The following ANO3 variants were observed in gnomAD, a reference collection of about 807,000 sequenced individuals.
ANO3 encodes anoctamin-3.
ANO3 carries 99 observed loss-of-function variants against 144.8 expected under a neutral mutation model. That is an observed-to-expected ratio of 0.68 (90% confidence interval 0.58 to 0.81). The LOEUF (loss-of-function observed/expected upper bound fraction) is 0.81, where lower values mean the gene tolerates loss of function less well. Among genes scored for constraint, ANO3 ranks in the 30% least tolerant of loss-of-function variants. ANO3 has a pLI of 0.00. For missense variants in ANO3, 905 were observed against 1,202.2 expected (o/e 0.75, Z 3.66); for synonymous variants, 414 against 392.6 (o/e 1.05, Z -0.64).
At chr11:26,254,349 C>CA (rs1412856878) in intron 1 of ANO3, among the ~76,000 whole-genome samples, 5 of 151,876 alleles carry the variant, frequency 3.3e-5, no homozygotes, top group Non-Finnish European at 5.9e-5. Context: ...AATGAAGATA[C>CA]AAAAAAATAA....
intron 17 of ANO3, among the ~76,000 whole-genome samples, chr11:26,619,729 A>C (rs2132993344): frequency 6.6e-6 from 1 of 152,294 alleles, no homozygotes; most frequent in East Asian, 1.9e-4. Flanking sequence ...GGCCTCCCAA[A>C]GTGCTGGGAT....
rs995122307 is a variant in ANO3, at chr11:26,647,566, A to T, written c.2429-143A>T. The T allele has an allele frequency of 4.7e-5, 31 of 656,800 alleles. No homozygotes were observed. In the African/African-American group the frequency reaches 5.5e-4, roughly 12 times the overall value. 40.7% of individuals were successfully genotyped at this position (656,800 alleles called of 1,614,324 possible). A position where few individuals can be genotyped will look rare whatever the true frequency, so the allele number is the denominator to read the frequency against. On this transcript the variant is annotated intron_variant, in intron 23 of 26. Transcript: ENST00000256737. Reference sequence around the variant, plus strand: ...TGTATTCGATAGCTATAATGTCTGTATTGAGATAGTATAATAAGAAAGCAC... The same window carrying T: ...TGTATTCGATAGCTATAATGTCTGTTTTGAGATAGTATAATAAGAAAGCAC...
intron 14 of ANO3, among the ~76,000 whole-genome samples, chr11:26,570,301 G>A (rs1850769928): frequency 6.6e-6 from 1 of 152,114 alleles, no homozygotes; most frequent in East Asian, 1.9e-4. Flanking sequence ...TGCAGAAAGT[G>A]ATGAGAAAAA....
intron 1 of ANO3, among the ~76,000 whole-genome samples, chr11:26,197,283 G>A (rs188861250): frequency 3.3e-5 from 5 of 152,244 alleles, no homozygotes; most frequent in East Asian, 3.9e-4. Context: ...AGGAAGGTTC[G>A]CAATAGAAAA....
chr11:26,575,642 T>C (rs1850966624), intron 14 of ANO3, among the ~76,000 whole-genome samples: 1 of 152,116 alleles, frequency 6.6e-6, no homozygotes, highest in Non-Finnish European at 1.5e-5. Context: ...TGGAAAGAAA[T>C]TTTGTACAAG....
intron 4 of ANO3, among the ~76,000 whole-genome samples, chr11:26,480,013 A>G (rs1243689041): frequency 6.6e-6 from 1 of 152,160 alleles, no homozygotes; most frequent in Non-Finnish European, 1.5e-5. Flanking sequence ...GCAAAGATAT[A>G]GAGTTTGGAC....
chr11:26,635,026 C>G lies in ANO3; in HGVS notation c.1999C>G (p.Pro667Ala). The change falls in exon 20 of 27, where the codon CCA (proline) becomes GCA (alanine). Residue 667 changes from proline (P) to alanine (A), a missense_variant. Pro to Ala is a conservative substitution (Grantham distance 27, BLOSUM62 -1). This residue lies in a region of ANO3 where 597 missense variants were observed against 865.1 expected (regional missense o/e 0.69). Transcript: ENST00000256737. The part of the protein sequence containing the change: ...AFFLGRFVGH[P>A]GKYNKLFDRW... ...GTCTTCTTACAGATTCGTAGGCCAC[C>G]CAGGAAAATACAATAAACTTTTTGA... 1 of 1,613,212 alleles carries G rather than the reference C, an allele frequency of 6.2e-7. No homozygotes were observed. Among genetic ancestry groups the G allele is most frequent in the Non-Finnish European group, 8.5e-7 (1 of 1,179,382 alleles).
chr11:26,191,299 T>C (rs553273271), intron 1 of ANO3, among the ~76,000 whole-genome samples: 1 of 151,092 alleles, frequency 6.6e-6, no homozygotes, highest in Admixed American at 6.6e-5. Flanking sequence ...AAAACACATA[T>C]ATATATACAC....
intron 17 of ANO3, among the ~76,000 whole-genome samples, chr11:26,614,638 G>A (rs914859708): frequency 6.6e-6 from 1 of 152,122 alleles, no homozygotes; most frequent in South Asian, 2.1e-4. Flanking sequence ...GAGGCCTGTG[G>A]GGATTAGGGG....
chr11:26,560,750 AGTTAT>A, intron 14 of ANO3: 1 of 196,694 alleles, frequency 5.1e-6, no homozygotes, highest in Non-Finnish European at 1.0e-5. Flanking sequence ...TTTATTATTT[AGTTAT>A]GAGGCAGGGC....
At chr11:26,528,982 G>A (rs1481570827) in intron 7 of ANO3, among the ~76,000 whole-genome samples, 3 of 145,478 alleles carry the variant, frequency 2.1e-5, no homozygotes, top group African/African-American at 7.7e-5. Flanking sequence ...AAAATGATTT[G>A]ATAAGTAAGT....
chr11:26,385,677 T>C (rs1017503815), intron 1 of ANO3, among the ~76,000 whole-genome samples: 3 of 151,930 alleles, frequency 2.0e-5, no homozygotes, highest in Non-Finnish European at 4.4e-5. Flanking sequence ...CCTATCGGGG[T>C]AATCCATATT....
At chr11:26,391,094 A>C (rs1039279370) in intron 1 of ANO3, among the ~76,000 whole-genome samples, 8 of 152,224 alleles carry the variant, frequency 5.3e-5, no homozygotes, top group South Asian at 4.1e-4. Context: ...AATACTTGAG[A>C]CTGGGACATT....
intron 1 of ANO3, among the ~76,000 whole-genome samples, chr11:26,275,982 T>C (rs1853550172): frequency 6.6e-6 from 1 of 152,176 alleles, no homozygotes; most frequent in African/African-American, 2.4e-5. Context: ...TCATCTTCAC[T>C]GGTTTGGGGA....
At chr11:26,239,847 T>C (rs956036458) in intron 1 of ANO3, among the ~76,000 whole-genome samples, 1 of 152,216 alleles carries the variant, frequency 6.6e-6, no homozygotes, top group Non-Finnish European at 1.5e-5. Context: ...TTCTCCATAA[T>C]TGAAGATTTT....
intron 1 of ANO3, among the ~76,000 whole-genome samples, chr11:26,407,236 C>T (rs1857312806): frequency 6.6e-6 from 1 of 151,340 alleles, no homozygotes; most frequent in South Asian, 2.1e-4. Flanking sequence ...ACTTGTTTAT[C>T]TCTGTGCCTT....
chr11:26,488,887 A>T lies in ANO3; in HGVS notation c.433-19217A>T, dbSNP rs560363398. On this transcript the variant is annotated intron_variant, in intron 4 of 26. Coordinates refer to ENST00000256737, the MANE Select transcript of ANO3 (RefSeq NM_031418.4). ...TATTCCCTTATTTGGCCCTGCCCAC[A>T]TCCTGATTGGTCCATTTTACAGAGT... is the stretch of plus-strand genomic sequence containing the variant. 2.6e-5 allele frequency among the ~76,000 whole-genome samples: 4 copies of T among 152,238 alleles called. No homozygotes were observed. The South Asian group carries it at 8.3e-4, about 32-fold the overall frequency.
At chr11:26,623,760 A>T (rs1467822258) in intron 17 of ANO3, among the ~76,000 whole-genome samples, 1 of 151,656 alleles carries the variant, frequency 6.6e-6, no homozygotes, top group Non-Finnish European at 1.5e-5. Flanking sequence ...CAATTTTTTT[A>T]ATTTTTAATT....
At chr11:26,536,762 A>G (rs547777852) in intron 9 of ANO3, among the ~76,000 whole-genome samples, 2 of 152,268 alleles carry the variant, frequency 1.3e-5, no homozygotes, top group Admixed American at 6.5e-5. Context: ...ATTGTGCTAT[A>G]AAAATTAAAT....
Sources: allele counts gnomAD v4.1 joint callset (sites outside exome capture counted in the v4.1 genomes callset), GRCh38; gene constraint gnomAD v4.1.1; regional missense constraint gnomAD v4.1.1; transcripts MANE v1.5; gene names NCBI Gene and HGNC (gene_info 2026-07-23, HGNC 2026-07-21).